The following ANGPTL1 variants were observed in gnomAD, a reference collection of about 807,000 sequenced individuals.
ANGPTL1 encodes angiopoietin-related protein 1.
A neutral mutation model predicts 46.7 loss-of-function variants in ANGPTL1; 36 were observed. The observed-to-expected ratio is 0.77, with a 90% confidence interval of 0.59 to 1.02. The LOEUF (loss-of-function observed/expected upper bound fraction) is 1.02, where lower values mean the gene tolerates loss of function less well. Among genes scored for constraint, ANGPTL1 ranks in the 50% least tolerant of loss-of-function variants. The probability of loss-of-function intolerance (pLI) is 0.00; values close to 1 mark genes in which losing one functional copy is unlikely to be tolerated. For missense variants in ANGPTL1, 571 were observed against 594.7 expected (o/e 0.96, Z 0.41); for synonymous variants, 221 against 204.3 (o/e 1.08, Z -0.69).
chr1:178,855,789 T>G (rs1044337570), intron 3 of ANGPTL1, among the ~76,000 whole-genome samples: 2 of 151,924 alleles, frequency 1.3e-5, no homozygotes, highest in African/African-American at 4.8e-5. Context: ...ATTTTGGATT[T>G]TTTCAAAGGC....
At chr1:178,866,250 C>G (rs1345056561) in intron 2 of ANGPTL1, among the ~76,000 whole-genome samples, 1 of 152,096 alleles carries the variant, frequency 6.6e-6, no homozygotes, top group African/African-American at 2.4e-5. Context: ...TTAAAATTAC[C>G]AGGTGACTTT....
At position 178,865,714 on chromosome 1, in the gene ANGPTL1, G is replaced by A; in HGVS notation, c.63C>T (p.Cys21=). Residue 21 remains cysteine (C), a synonymous_variant, in exon 3 of 6, where the codon TGC becomes TGT. Coordinates refer to ENST00000234816, the MANE Select transcript of ANGPTL1 (RefSeq NM_004673.4). ...TTTTAATTTTGAATTGTCCACCTCTGCAATGTCCAGTGTCCACTAGTAGGA... is the reference window on the plus strand; with the variant it reads ...TTTTAATTTTGAATTGTCCACCTCTACAATGTCCAGTGTCCACTAGTAGGA... ...LFFLLVDTGH[C]RGGQFKIKKI... is the part of the protein sequence containing the mutation. The A allele has an allele frequency of 6.2e-7, 1 of 1,613,522 alleles. No individual in the cohort carries two copies. Among genetic ancestry groups the A allele is most frequent in the Non-Finnish European group, 8.5e-7 (1 of 1,179,908 alleles).
intron 2 of ANGPTL1, among the ~76,000 whole-genome samples, chr1:178,867,878 C>T (rs754156982): frequency 2.6e-5 from 4 of 152,044 alleles, no homozygotes; most frequent in Non-Finnish European, 5.9e-5. Context: ...ATGAAGACTA[C>T]TGCTACTTTC....
chr1:178,869,799 T>G (rs183654224), intron 1 of ANGPTL1, among the ~76,000 whole-genome samples: 1 of 152,246 alleles, frequency 6.6e-6, no homozygotes, highest in African/African-American at 2.4e-5. Context: ...CTAACAAACT[T>G]AAGTGTCTTT....
Position 178,851,213 on chromosome 1 carries a change from G to A in ANGPTL1, c.1392C>T (p.His464=). 3 of 1,613,924 alleles carry A rather than the reference G, an allele frequency of 1.9e-6. No homozygotes were observed. Among genetic ancestry groups the A allele is most frequent in the Non-Finnish European group, 2.5e-6 (3 of 1,179,910 alleles). Residue 464 remains histidine, a synonymous_variant, in exon 6 of 6, where the codon CAC becomes CAT. Coordinates refer to ENST00000234816, the MANE Select transcript of ANGPTL1 (RefSeq NM_004673.4). Reference sequence around the variant, plus strand: ...ATTCGGCCCAGAAAATTCCATCTTGGTGCTTGCTTCTGTAATGGCCTCCTC... The same window carrying A: ...ATTCGGCCCAGAAAATTCCATCTTGATGCTTGCTTCTGTAATGGCCTCCTC... ...WYRGGHYRSK[H]QDGIFWAEYR...
At chr1:178,856,202 G>GAGAGAT (rs1428022812) in intron 3 of ANGPTL1, among the ~76,000 whole-genome samples, 23 of 83,906 alleles carry the variant, frequency 2.7e-4, no homozygotes, top group Non-Finnish European at 3.3e-4. Context: ...GAGAGAGAGA[G>GAGAGAT]ATATATATAT....
rs780121848 is a variant in ANGPTL1 at position 178,851,175 on chromosome 1, G to T, written c.1430C>A (p.Ser477Ter). The T allele has an allele frequency of 1.2e-6, 2 of 1,613,912 alleles. No individual in the cohort carries two copies. Among genetic ancestry groups the T allele is most frequent in the Non-Finnish European group, 1.7e-6 (2 of 1,179,888 alleles). Residue 477 changes from serine to a stop codon, truncating the protein, a stop_gained, in exon 6 of 6, where the codon TCA (serine) becomes TAA (stop). Coordinates refer to ENST00000234816, the MANE Select transcript of ANGPTL1 (RefSeq NM_004673.4). LOFTEE classifies it high-confidence loss of function. Reference sequence around the variant, plus strand: ...CATCTGAACTGCTCTTAAGGAGTATGACCCGCCTCTGTATTCGGCCCAGAA... The same window carrying T: ...CATCTGAACTGCTCTTAAGGAGTATTACCCGCCTCTGTATTCGGCCCAGAA... ...GIFWAEYRGG[S>*]YSLRAVQMMI...
chr1:178,861,880 A>AGTT (rs1181081430), intron 3 of ANGPTL1, among the ~76,000 whole-genome samples: 5 of 151,492 alleles, frequency 3.3e-5, no homozygotes, highest in African/African-American at 1.2e-4. Flanking sequence ...TTGTTGTTGT[A>AGTT]GTTGTTGTTG....
At chr1:178,856,667 A>G (rs570243019) in intron 3 of ANGPTL1, among the ~76,000 whole-genome samples, 32 of 151,968 alleles carry the variant, frequency 2.1e-4, no homozygotes, top group South Asian at 8.3e-4. Flanking sequence ...AGTAGTCATC[A>G]TCGGTAATTG....
chr1:178,861,677 T>G (rs1658021456), intron 3 of ANGPTL1, among the ~76,000 whole-genome samples: 1 of 152,178 alleles, frequency 6.6e-6, no homozygotes, highest in Non-Finnish European at 1.5e-5. Context: ...TTAAAAAAAT[T>G]CACACAGCTC....
chr1:178,851,085 A>G lies in ANGPTL1; in HGVS notation c.*44T>C, dbSNP rs772020065. On this transcript the variant is annotated 3_prime_UTR_variant, in exon 6 of 6. Transcript: ENST00000234816. ...TAACATTTACATTTTTAAGAGCTGA[A>G]AAGTACAAAGTTCTGTGTCATTTAA... The G allele has an allele frequency of 3.9e-6, 6 of 1,524,340 alleles. No homozygotes were observed. The African/African-American group carries it at 5.6e-5, about 14-fold the overall frequency. 94.4% of individuals were successfully genotyped at this position (1,524,340 alleles called of 1,614,324 possible).
chr1:178,862,618 TTTATTTATTTATTTGG>T (rs1398564505), intron 3 of ANGPTL1, among the ~76,000 whole-genome samples: 4 of 151,190 alleles, frequency 2.6e-5, no homozygotes, highest in African/African-American at 9.8e-5. Flanking sequence ...TATTTATTTA[TTTATTTATTTATTTGG>T]TTGGTTGGTT....
At chr1:178,860,146 A>G (rs1657899335) in intron 3 of ANGPTL1, among the ~76,000 whole-genome samples, 1 of 152,120 alleles carries the variant, frequency 6.6e-6, no homozygotes, top group South Asian at 2.1e-4. Context: ...TACAAGGAAT[A>G]AACTTGTTTT....
At chr1:178,857,735 A>G (rs1572411643) in intron 3 of ANGPTL1, among the ~76,000 whole-genome samples, 2 of 152,280 alleles carry the variant, frequency 1.3e-5, no homozygotes. Context: ...TCATTTGAGT[A>G]TAGTTTTGAC....
Position 178,849,683 on chromosome 1 carries a change from A to G in ANGPTL1, c.*1446T>C, listed in dbSNP as rs1030744932. On this transcript the variant is annotated 3_prime_UTR_variant, in exon 6 of 6. Transcript: ENST00000234816. ...AAACCAGTTTAAGATGACCACAGGT[A>G]AAACAAAGAATAATACCACTATGAG... The G allele has an allele frequency of 6.6e-6, 1 of 152,244 alleles. No homozygotes were observed. The highest frequency in any genetic ancestry group is 1.5e-5 in the Non-Finnish European group (1 of 68,046). The allele number at this position is 152,244 out of a possible 1,614,324, so 9.4% of individuals were successfully genotyped here.
intron 2 of ANGPTL1, among the ~76,000 whole-genome samples, chr1:178,868,841 A>T (rs1658574451): frequency 6.6e-6 from 1 of 152,000 alleles, no homozygotes; most frequent in African/African-American, 2.4e-5. Flanking sequence ...TTTAATAAAT[A>T]CAAAAGTATT....
chr1:178,856,458 TG>T (rs1295666599), intron 3 of ANGPTL1, among the ~76,000 whole-genome samples: 1 of 125,458 alleles, frequency 8.0e-6, no homozygotes, highest in East Asian at 2.6e-4. Flanking sequence ...TTGCCCAGGG[TG>T]GTCTTGAACT....
chr1:178,851,388 T>C, intron 5 of ANGPTL1, 72 bp from the exon 6 acceptor site: 1 of 1,335,320 alleles, frequency 7.5e-7, no homozygotes, highest in Non-Finnish European at 9.9e-7. Context: ...CATAAAAAAC[T>C]TATTCTACCT....
At chr1:178,856,130 C>G (rs980171972) in intron 3 of ANGPTL1, among the ~76,000 whole-genome samples, 1 of 146,014 alleles carries the variant, frequency 6.8e-6, no homozygotes, top group African/African-American at 2.5e-5. Context: ...ATAAGAATTT[C>G]TGTACTATAA....
Sources: allele counts gnomAD v4.1 joint callset (sites outside exome capture counted in the v4.1 genomes callset), GRCh38; gene constraint gnomAD v4.1.1; transcripts MANE v1.5; gene names NCBI Gene and HGNC (gene_info 2026-07-23, HGNC 2026-07-21).